The following CCNH variants were observed in gnomAD, a reference collection of about 807,000 sequenced individuals.
CCNH encodes the protein cyclin-H.
In CCNH, 31 loss-of-function variants were observed where a neutral mutation model predicts 41.9. The ratio of observed to expected loss-of-function variants is 0.74; its 90% CI spans 0.56 to 1.00. The LOEUF is 1.00. CCNH is among the 50% of genes least tolerant of loss of function. The pLI, the probability that CCNH is intolerant of heterozygous loss-of-function variation, is 0.00. For synonymous variants in CCNH, 138 were observed against 136.1 expected (o/e 1.01, Z -0.10); for missense variants, 362 against 388.4 (o/e 0.93, Z 0.57).
At chr5:87,337,987 G>C in intron 9 of CCNH, 1 of 1,608,810 alleles carries the variant, frequency 6.2e-7, no homozygotes, top group Non-Finnish European at 8.5e-7. Flanking sequence ...CTTAAAAGGA[G>C]ATATGTTCAT....
chr5:87,385,406 A>G, intron 9 of CCNH: 1 of 1,540,288 alleles, frequency 6.5e-7, no homozygotes. Flanking sequence ...ACATTTTGAT[A>G]CTTTAAAATG....
chr5:87,395,613 T>C (rs1049094632), intron 7 of CCNH, among the ~76,000 whole-genome samples: 4 of 152,178 alleles, frequency 2.6e-5, no homozygotes, highest in Admixed American at 6.5e-5. Context: ...GGGCTCACAA[T>C]TGTAATCCCA....
chr5:87,393,165 T>C (rs1157996667), downstream of CCNH, among the ~76,000 whole-genome samples: 1 of 152,034 alleles, frequency 6.6e-6, no homozygotes, highest in Non-Finnish European at 1.5e-5. Context: ...TGCCTTAAAA[T>C]AGATGTAACT....
At chr5:87,386,412 T>G (rs936735125) in intron 9 of CCNH, among the ~76,000 whole-genome samples, 1 of 152,208 alleles carries the variant, frequency 6.6e-6, no homozygotes, top group African/African-American at 2.4e-5. Context: ...GTCTTTATTA[T>G]ATTGTATTTT....
chr5:87,367,396 T>C (rs1242486069), intron 9 of CCNH, among the ~76,000 whole-genome samples: 2 of 152,210 alleles, frequency 1.3e-5, no homozygotes, highest in Non-Finnish European at 2.9e-5. Flanking sequence ...TGCTGACCTT[T>C]AGCATTTAGA....
chr5:87,326,603 T>G (rs1056348265), intron 9 of CCNH, among the ~76,000 whole-genome samples: 5 of 152,186 alleles, frequency 3.3e-5, no homozygotes, highest in African/African-American at 1.2e-4. Context: ...CATTAAATGC[T>G]TTATTATTAA....
At chr5:87,315,238 A>G (rs1426134883), downstream of CCNH, among the ~76,000 whole-genome samples, 1 of 152,212 alleles carries the variant, frequency 6.6e-6, no homozygotes, top group Non-Finnish European at 1.5e-5. Context: ...ACTATTTCTT[A>G]CAATTTTGGA....
At chr5:87,374,460 T>TATA (rs375254139), downstream of CCNH, 1,739 of 123,474 alleles carry the variant, frequency 0.014, 9 homozygotes, top group African/African-American at 0.024. Flanking sequence ...TATATATATA[T>TATA]TTTTTTTTTT....
chr5:87,345,351 C>G (rs559853247), intron 9 of CCNH, among the ~76,000 whole-genome samples: 2 of 152,180 alleles, frequency 1.3e-5, no homozygotes, highest in South Asian at 4.1e-4. Flanking sequence ...CTTTTTTACC[C>G]TTCTTTTTTT....
intron 9 of CCNH, among the ~76,000 whole-genome samples, chr5:87,384,004 A>G (rs1261568468): frequency 6.6e-6 from 1 of 151,732 alleles, no homozygotes; most frequent in Non-Finnish European, 1.5e-5. Context: ...AGATGGCATG[A>G]TTACACACAT....
chr5:87,349,927 T>A, intron 9 of CCNH, among the ~76,000 whole-genome samples: 1 of 151,884 alleles, frequency 6.6e-6, no homozygotes. Context: ...TATGATAGAA[T>A]GTCAGCAATT....
intron 9 of CCNH, among the ~76,000 whole-genome samples, chr5:87,344,664 T>C (rs1580315747): frequency 6.6e-6 from 1 of 150,524 alleles, no homozygotes; most frequent in South Asian, 2.1e-4. Context: ...CCACCACACC[T>C]GGCAAATGTT....
At chr5:87,377,689 A>C (rs188357979), upstream of CCNH, among the ~76,000 whole-genome samples, 108 of 152,194 alleles carry the variant, frequency 7.1e-4, 1 homozygote, top group African/African-American at 2.5e-3. Context: ...ACTTTTATAG[A>C]TAGGTAGTTC....
intron 9 of CCNH, among the ~76,000 whole-genome samples, chr5:87,364,586 T>C (rs2112462232): frequency 6.6e-6 from 1 of 152,140 alleles, no homozygotes; most frequent in South Asian, 2.1e-4. Context: ...GAGGACAGGA[T>C]TTCTTGAGAT....
At chr5:87,377,343 A>G (rs1209938456), upstream of CCNH, among the ~76,000 whole-genome samples, 1 of 151,414 alleles carries the variant, frequency 6.6e-6, no homozygotes, top group African/African-American at 2.4e-5. Context: ...CTTGTTTTTT[A>G]TTTTCTTTTG....
intron 9 of CCNH, among the ~76,000 whole-genome samples, chr5:87,337,627 TCA>T (rs1758066306): frequency 6.6e-6 from 1 of 152,124 alleles, no homozygotes; most frequent in African/African-American, 2.4e-5. Flanking sequence ...GTTTTTCAAT[TCA>T]GTTTTCTTGT....
chr5:87,347,145 A>G (rs180949052), intron 9 of CCNH, among the ~76,000 whole-genome samples: 1 of 152,106 alleles, frequency 6.6e-6, no homozygotes, highest in African/African-American at 2.4e-5. Context: ...TTATGGATTT[A>G]AACTTTTCAT....
chr5:87,402,129 T>C (rs909302081), intron 5 of CCNH, among the ~76,000 whole-genome samples: 1 of 152,184 alleles, frequency 6.6e-6, no homozygotes, highest in Non-Finnish European at 1.5e-5. Context: ...CAAGTCATGA[T>C]CTTGTAACTT....
intron 9 of CCNH, chr5:87,383,759 C>T: frequency 1.2e-6 from 2 of 1,611,068 alleles, no homozygotes; most frequent in Non-Finnish European, 1.7e-6. Flanking sequence ...CCTGAATCCA[C>T]GGATGTTCAA....
Sources: gnomAD v4.1 joint callset for allele counts (sites outside exome capture counted in the v4.1 genomes callset) on GRCh38, gnomAD v4.1.1 for gene constraint, MANE v1.5 for transcripts, NCBI Gene and HGNC (gene_info 2026-07-23, HGNC 2026-07-21) for gene names.